Variants in CCDC60 observed in about 807,000 individuals in gnomAD.
CCDC60 encodes the protein coiled-coil domain containing 60, also known as coiled-coil domain-containing protein 60.
A neutral mutation model predicts 63.5 loss-of-function variants in CCDC60; 54 were observed. The ratio of observed to expected loss-of-function variants is 0.85; its 90% confidence interval spans 0.68 to 1.07. CCDC60 has a LOEUF of 1.07. Ranked by LOEUF, CCDC60 falls within the 50% of genes least tolerant of loss-of-function variation. The pLI is 0.00. For synonymous variants in CCDC60, 206 were observed against 238.8 expected, an observed-to-expected ratio of 0.86 and a Z score of 1.27; for missense variants, 651 against 684.3, an observed-to-expected ratio of 0.95 and a Z score of 0.54.
chr12:119,352,295 G>T (rs771052652), intron 1 of CCDC60, among the ~76,000 whole-genome samples: 13 of 152,194 alleles, frequency 8.5e-5, no homozygotes, highest in Non-Finnish European at 1.8e-4. Flanking sequence ...CCTGAGATTT[G>T]AATGGGGACA....
At chr12:119,481,876 C>T (rs1450373342) in intron 4 of CCDC60, among the ~76,000 whole-genome samples, 4 of 151,256 alleles carry the variant, frequency 2.6e-5, no homozygotes, top group African/African-American at 9.7e-5. Context: ...TCCTGAGTTA[C>T]TTCACTTAGA....
intron 1 of CCDC60, among the ~76,000 whole-genome samples, chr12:119,360,579 G>A (rs1234789508): frequency 6.6e-6 from 1 of 151,668 alleles, no homozygotes; most frequent in East Asian, 1.9e-4. Flanking sequence ...AGACGGGGTG[G>A]CGGCCGGGCA....
intron 1 of CCDC60, among the ~76,000 whole-genome samples, chr12:119,419,321 T>A (rs1253680065): frequency 6.6e-6 from 1 of 152,204 alleles, no homozygotes; most frequent in Non-Finnish European, 1.5e-5. Flanking sequence ...GACCTTCACT[T>A]TTTATTTTTC....
chr12:119,428,542 T>G (rs1956940120), intron 1 of CCDC60, 141 bp from the exon 2 acceptor site: 1 of 582,786 alleles, frequency 1.7e-6, no homozygotes. Flanking sequence ...CTCTTTGGTG[T>G]CAAGGTAGAC....
chr12:119,499,411 C>A (rs1341415705), intron 5 of CCDC60, among the ~76,000 whole-genome samples: 1 of 152,200 alleles, frequency 6.6e-6, no homozygotes, highest in African/African-American at 2.4e-5. Context: ...AGTGAGGAGC[C>A]CTGAAGCTTT....
chr12:119,446,607 G>GGAGAGGGAGGACGGGAGACA (rs1198797864), intron 2 of CCDC60, among the ~76,000 whole-genome samples: 2 of 152,130 alleles, frequency 1.3e-5, no homozygotes, highest in African/African-American at 4.8e-5. Flanking sequence ...AAAGGGAGAG[G>GGAGAGGGAGGACGGGAGACA]GAGAGGGAGG....
chr12:119,426,523 A>AT (rs1458681581), intron 1 of CCDC60, among the ~76,000 whole-genome samples: 1 of 151,344 alleles, frequency 6.6e-6, no homozygotes, highest in Non-Finnish European at 1.5e-5. Context: ...TGCTTGGCTA[A>AT]TTTTTTTGTA....
At chr12:119,412,706 T>C (rs1593050121) in intron 1 of CCDC60, among the ~76,000 whole-genome samples, 1 of 152,048 alleles carries the variant, frequency 6.6e-6, no homozygotes, top group African/African-American at 2.4e-5. Context: ...ATAATCATGC[T>C]ATCAACTTTT....
At chr12:119,382,634 GAAT>G (rs1956019855) in intron 1 of CCDC60, among the ~76,000 whole-genome samples, 1 of 152,166 alleles carries the variant, frequency 6.6e-6, no homozygotes, top group Non-Finnish European at 1.5e-5. Context: ...ATGAATGAAT[GAAT>G]AAGCAGAGTG....
intron 1 of CCDC60, among the ~76,000 whole-genome samples, chr12:119,337,307 G>A (rs990771785): frequency 5.3e-5 from 8 of 152,228 alleles, no homozygotes; most frequent in African/African-American, 1.9e-4. Context: ...AGAATGAAGA[G>A]GGAAATGAAC....
intron 1 of CCDC60, among the ~76,000 whole-genome samples, chr12:119,403,493 A>G (rs1384771747): frequency 2.0e-5 from 3 of 152,136 alleles, no homozygotes; most frequent in Non-Finnish European, 2.9e-5. Flanking sequence ...CTTGCAGTCC[A>G]AGAGCATAAC....
At position 119,512,945 on chromosome 12, in the gene CCDC60, C is replaced by G. The variant is rs543288767; in HGVS notation, c.884-3678C>G. On this transcript the variant is annotated intron_variant, in intron 7 of 13. Transcript: ENST00000327554. ...GACATATCTCTGATCTCCAATGGCT[C>G]TCTGTCTGTGTATTTTCTCCTCTTC... Among the ~76,000 whole-genome samples, 33 of 152,312 alleles carry G rather than the reference C, an allele frequency of 2.2e-4. No homozygotes were observed. The East Asian group carries it at 6.0e-3, about 28-fold the overall frequency.
intron 2 of CCDC60, among the ~76,000 whole-genome samples, chr12:119,442,373 A>T (rs940502078): frequency 2.6e-5 from 4 of 152,196 alleles, no homozygotes; most frequent in Admixed American, 2.6e-4. Flanking sequence ...GCACTTTGGG[A>T]GGCAGAGAGG....
At position 119,430,033 on chromosome 12, in the gene CCDC60, A is replaced by G. The variant is rs1950196854; in HGVS notation, c.170+1271A>G. ...TCATTATGTTTTTTCATACATGATG[A>G]AAAGTAATGAAGGGATGAAAAATAA... On this transcript the variant is annotated intron_variant, in intron 2 of 13. Coordinates refer to ENST00000327554, the MANE Select transcript of CCDC60 (RefSeq NM_178499.5). 2.6e-5 allele frequency among the ~76,000 whole-genome samples: 4 copies of G among 152,290 alleles called. 1 individual carries two copies. The South Asian group carries it at 8.3e-4, about 32-fold the overall frequency.
chr12:119,387,034 T>TCTCACACACA lies in CCDC60; in HGVS notation c.91-41648_91-41647insTCACACACAC, dbSNP rs543330015. 3.5e-3 allele frequency among the ~76,000 whole-genome samples: 374 copies of TCTCACACACA among 105,444 alleles called. 6 individuals carry two copies. The East Asian group carries it at 0.037, about 11-fold the overall frequency. The allele number at this position is 105,444 out of a possible 152,430, so 69.2% of individuals were successfully genotyped here. A position where few individuals can be genotyped will look rare whatever the true frequency, so the allele number is the denominator to read the frequency against. On this transcript the variant is annotated intron_variant, in intron 1 of 13. Transcript: ENST00000327554. ...CTCCCTCCCTCCCCCTCTGTCTCTC[T>TCTCACACACA]CACACACACACACACACACACACAC...
chr12:119,411,494 G>A (rs1593048665), intron 1 of CCDC60, among the ~76,000 whole-genome samples: 2 of 152,250 alleles, frequency 1.3e-5, no homozygotes, highest in East Asian at 3.9e-4. Flanking sequence ...GCAACAGAGC[G>A]AGACTCCATC....
At chr12:119,415,114 C>G (rs1956676533) in intron 1 of CCDC60, among the ~76,000 whole-genome samples, 1 of 152,140 alleles carries the variant, frequency 6.6e-6, no homozygotes, top group Non-Finnish European at 1.5e-5. Flanking sequence ...TTTCCACTCA[C>G]TGATTAAAGG....
intron 2 of CCDC60, among the ~76,000 whole-genome samples, chr12:119,434,956 G>A (rs1950299134): frequency 6.6e-6 from 1 of 152,178 alleles, no homozygotes; most frequent in South Asian, 2.1e-4. Context: ...TTTTTTAAAA[G>A]AGCATCACAT....
At chr12:119,515,333 T>C (rs904221592) in intron 7 of CCDC60, among the ~76,000 whole-genome samples, 3 of 152,192 alleles carry the variant, frequency 2.0e-5, no homozygotes, top group Admixed American at 2.0e-4. Flanking sequence ...ATATTCTTTT[T>C]TTCTGAGACA....
Sources: gnomAD v4.1 joint callset for allele counts (sites outside exome capture counted in the v4.1 genomes callset) on GRCh38, gnomAD v4.1.1 for gene constraint, MANE v1.5 for transcripts, NCBI Gene and HGNC (gene_info 2026-07-23, HGNC 2026-07-21) for gene names.